Variants in CNOT6 observed in about 807,000 individuals in gnomAD.
CNOT6 encodes carbon catabolite repression 4 protein.
CNOT6 carries 12 observed loss-of-function variants against 61.2 expected under a neutral mutation model. The observed-to-expected ratio is 0.20, with a 90% CI of 0.13 to 0.32. The LOEUF (loss-of-function observed/expected upper bound fraction) is 0.32, where lower values mean the gene tolerates loss of function less well. CNOT6 is among the 10% of genes least tolerant of loss of function. The pLI is 1.00. For missense variants in CNOT6, 405 were observed against 663.9 expected (o/e 0.61, Z 4.28); for synonymous variants, 225 against 240.6 (o/e 0.94, Z 0.60).
intron 11 of CNOT6, among the ~76,000 whole-genome samples, chr5:180,571,929 ATATT>A (rs1031388698): frequency 1.3e-5 from 2 of 150,518 alleles, no homozygotes; most frequent in African/African-American, 4.9e-5. Context: ...TACTTTGTAG[ATATT>A]TATTCTAATA....
At chr5:180,539,414 CTT>C (rs1758899113) in intron 2 of CNOT6, among the ~76,000 whole-genome samples, 1 of 150,216 alleles carries the variant, frequency 6.7e-6, no homozygotes, top group African/African-American at 2.4e-5. Flanking sequence ...TCTTTTCTTG[CTT>C]CTATCATTTT....
At chr5:180,520,685 C>T (rs533790834) in intron 1 of CNOT6, among the ~76,000 whole-genome samples, 2 of 151,992 alleles carry the variant, frequency 1.3e-5, no homozygotes, top group South Asian at 2.1e-4. Context: ...AGGCAGGAAA[C>T]AAAGACATTT....
intron 1 of CNOT6, among the ~76,000 whole-genome samples, chr5:180,496,552 C>T (rs775158193): frequency 6.6e-6 from 1 of 152,126 alleles, no homozygotes; most frequent in Non-Finnish European, 1.5e-5. Context: ...AAAGATGATG[C>T]AATTGCCAGG....
At position 180,567,071 on chromosome 5, in the gene CNOT6, TG is replaced by T; in HGVS notation, c.718-16del. The T allele has an allele frequency of 6.3e-7, 1 of 1,590,794 alleles. No homozygotes were observed. Among genetic ancestry groups the T allele is most frequent in the Non-Finnish European group, 8.5e-7 (1 of 1,173,300 alleles). ...TTTTTGTCTTATGAAATAACTGTGC[TG>T]TTTACAACTTTTCAGGAGGTTGAAA... On this transcript the variant is annotated splice_polypyrimidine_tract_variant and intron_variant, in intron 7 of 11. Coordinates refer to ENST00000261951, the MANE Select transcript of CNOT6 (RefSeq NM_001370472.1).
intron 1 of CNOT6, among the ~76,000 whole-genome samples, chr5:180,498,869 A>G (rs1756738197): frequency 6.6e-6 from 1 of 152,206 alleles, no homozygotes; most frequent in African/African-American, 2.4e-5. Flanking sequence ...GGCCCACTGC[A>G]ACCTCCGCCT....
chr5:180,535,988 GTTTTTTTTTTTTTTT>G (rs756489493), intron 2 of CNOT6, among the ~76,000 whole-genome samples: 12 of 62,448 alleles, frequency 1.9e-4, no homozygotes, highest in East Asian at 6.6e-4. Context: ...ACTTATTAGG[GTTTTTTTTTTTTTTT>G]TTTTTTTTTT....
Position 180,529,361 on chromosome 5 carries a change from T to G in CNOT6, c.85T>G (p.Ser29Ala), listed in dbSNP as rs1460144174. The change falls in exon 2 of 12, where the codon TCC becomes GCC. Residue 29 changes from serine (S) to alanine (A), a missense_variant. This residue lies in a region of CNOT6 where 212 missense variants were observed against 307.1 expected (regional missense o/e 0.69). Coordinates refer to ENST00000261951, the MANE Select transcript of CNOT6 (RefSeq NM_001370472.1). ...TGAGGAAGCAGCAAATGGAAAGAAATCCCACTGGGCAGAGCTTGAAATAAG... is the reference window on the plus strand; with the variant it reads ...TGAGGAAGCAGCAAATGGAAAGAAAGCCCACTGGGCAGAGCTTGAAATAAG... ...SSEEAANGKKSHWAELEISGK... is the reference protein window; with the variant it reads ...SSEEAANGKKAHWAELEISGK... 8 of 1,611,470 alleles carry G rather than the reference T, an allele frequency of 5.0e-6. No homozygotes were observed. Among genetic ancestry groups the G allele is most frequent in the Non-Finnish European group, 5.9e-6 (7 of 1,177,888 alleles).
chr5:180,526,422 G>T (rs924961716), intron 1 of CNOT6, among the ~76,000 whole-genome samples: 1 of 152,178 alleles, frequency 6.6e-6, no homozygotes, highest in Non-Finnish European at 1.5e-5. Flanking sequence ...AATGGCTTAC[G>T]TGCTAAGGGC....
Position 180,506,163 on chromosome 5 carries a change from T to C in CNOT6, c.-3+11400T>C, listed in dbSNP as rs116455636. On this transcript the variant is annotated intron_variant, in intron 1 of 11. Coordinates refer to ENST00000261951, the MANE Select transcript of CNOT6 (RefSeq NM_001370472.1). ...CCAGCTCTACAATTCAGTTACTAAGTGTGCAATCTTGGGTAAATTGCATAA... is the reference window on the plus strand; with the variant it reads ...CCAGCTCTACAATTCAGTTACTAAGCGTGCAATCTTGGGTAAATTGCATAA... Among the ~76,000 whole-genome samples, 74 of 152,314 alleles carry C rather than the reference T, an allele frequency of 4.9e-4. 1 individual carries two copies. Among genetic ancestry groups the C allele is most frequent in the Middle Eastern group, 6.8e-3 (2 of 294 alleles).
At chr5:180,495,160 G>A (rs1040133801) in intron 1 of CNOT6, among the ~76,000 whole-genome samples, 1 of 152,242 alleles carries the variant, frequency 6.6e-6, no homozygotes, top group Non-Finnish European at 1.5e-5. Flanking sequence ...GCTGTGTGGA[G>A]TGTGGAGCTT....
chr5:180,512,360 G>A (rs961301433), intron 1 of CNOT6, among the ~76,000 whole-genome samples: 5 of 152,190 alleles, frequency 3.3e-5, no homozygotes, highest in Admixed American at 1.3e-4. Context: ...GAAGAGTGGA[G>A]CGTATCTGAA....
At position 180,577,352 on chromosome 5, in the gene CNOT6, A is replaced by G. The variant is rs879607399; in HGVS notation, c.*3152A>G. ...TTCAGGTTCTCAATAATAATATTCA[A>G]GTTTTAGAGTTTCACTTTGTACTAT... On this transcript the variant is annotated 3_prime_UTR_variant, in exon 12 of 12. Coordinates refer to ENST00000261951, the MANE Select transcript of CNOT6 (RefSeq NM_001370472.1). 6.6e-6 allele frequency: 1 copy of G among 152,588 alleles called. No individual in the cohort carries two copies. Among genetic ancestry groups the G allele is most frequent in the African/African-American group, 2.4e-5 (1 of 41,438 alleles). The allele number at this position is 152,588 out of a possible 1,614,324, so 9.5% of individuals were successfully genotyped here.
At chr5:180,501,445 C>T (rs1756864176) in intron 1 of CNOT6, among the ~76,000 whole-genome samples, 1 of 152,174 alleles carries the variant, frequency 6.6e-6, no homozygotes, top group African/African-American at 2.4e-5. Flanking sequence ...TTAAGTTTGA[C>T]ATACCTCCTG....
At chr5:180,570,502 GTC>G in intron 10 of CNOT6, among the ~76,000 whole-genome samples, 1 of 152,290 alleles carries the variant, frequency 6.6e-6, no homozygotes, top group Non-Finnish European at 1.5e-5. Flanking sequence ...TTGAGTAGTA[GTC>G]TCTGACAATT....
At chr5:180,495,500 C>T (rs1756569480) in intron 1 of CNOT6, 1 of 152,230 alleles carries the variant, frequency 6.6e-6, no homozygotes, top group Non-Finnish European at 1.5e-5. Flanking sequence ...CTAACCAACA[C>T]CTGTGGCCTT....
At chr5:180,509,325 A>G (rs1357158571) in intron 1 of CNOT6, among the ~76,000 whole-genome samples, 1 of 151,866 alleles carries the variant, frequency 6.6e-6, no homozygotes, top group Non-Finnish European at 1.5e-5. Flanking sequence ...TCTACAGACC[A>G]GGTTTTGCCA....
chr5:180,546,152 C>T (rs1759303428), intron 2 of CNOT6, among the ~76,000 whole-genome samples: 1 of 152,136 alleles, frequency 6.6e-6, no homozygotes, highest in African/African-American at 2.4e-5. Context: ...CCTCGGCCTC[C>T]CAAAGTGCTG....
At chr5:180,502,047 A>G (rs904862096) in intron 1 of CNOT6, among the ~76,000 whole-genome samples, 1 of 152,224 alleles carries the variant, frequency 6.6e-6, no homozygotes, top group Admixed American at 6.5e-5. Context: ...AATTTAAACT[A>G]GAAGAGAAGG....
At chr5:180,508,601 C>T (rs34325776) in intron 1 of CNOT6, among the ~76,000 whole-genome samples, 25,722 of 151,910 alleles carry the variant, frequency 0.17, 2,281 homozygotes, top group Non-Finnish European at 0.19. Flanking sequence ...TGAGCTACCA[C>T]GCCCAGCCTA....
Sources: gnomAD v4.1 joint callset for allele counts (sites outside exome capture counted in the v4.1 genomes callset) on GRCh38, gnomAD v4.1.1 for gene constraint, gnomAD v4.1.1 regional missense constraint, MANE v1.5 for transcripts, NCBI Gene and HGNC (gene_info 2026-07-23, HGNC 2026-07-21) for gene names.